Variants in NCAM2 observed in about 807,000 individuals in gnomAD.
NCAM2 encodes the protein neural cell adhesion molecule 2.
Under a neutral mutation model 98.1 loss-of-function variants are expected in NCAM2, and 30 were observed. That is an observed-to-expected ratio of 0.31 (90% CI 0.23 to 0.41). The LOEUF (loss-of-function observed/expected upper bound fraction) is 0.41, where lower values mean the gene tolerates loss of function less well. NCAM2 is among the 10% of genes least tolerant of loss of function. The pLI, the probability that NCAM2 is intolerant of heterozygous loss-of-function variation, is 1.00. For synonymous variants in NCAM2, 368 were observed against 342.4 expected (o/e 1.07, Z -0.83); for missense variants, 867 against 1,005.8 (o/e 0.86, Z 1.87).
At chr21:21,383,200 G>A (rs549940603) in intron 9 of NCAM2, among the ~76,000 whole-genome samples, 1 of 152,210 alleles carries the variant, frequency 6.6e-6, no homozygotes, top group Non-Finnish European at 1.5e-5. Flanking sequence ...TTTTCAAGGA[G>A]TTAATCACCT....
chr21:21,451,202 G>A (rs751450027), intron 12 of NCAM2, among the ~76,000 whole-genome samples: 3 of 152,006 alleles, frequency 2.0e-5, no homozygotes, highest in Non-Finnish European at 4.4e-5. Flanking sequence ...ATCATTTGAG[G>A]TGAATAAATG....
intron 5 of NCAM2, among the ~76,000 whole-genome samples, chr21:21,314,563 A>G (rs1394891679): frequency 2.0e-5 from 3 of 152,082 alleles, no homozygotes; most frequent in East Asian, 1.9e-4. Context: ...ATATACCTAC[A>G]TTATTTTGTC....
intron 1 of NCAM2, among the ~76,000 whole-genome samples, chr21:21,061,351 A>G (rs1356872824): frequency 6.6e-5 from 10 of 152,196 alleles, no homozygotes; most frequent in Non-Finnish European, 1.3e-4. Flanking sequence ...TGCTGAACAC[A>G]TATTTTCTGT....
intron 1 of NCAM2, among the ~76,000 whole-genome samples, chr21:21,073,319 T>G (rs1341283305): frequency 6.6e-6 from 1 of 152,182 alleles, no homozygotes; most frequent in Non-Finnish European, 1.5e-5. Flanking sequence ...GTTAAGATTT[T>G]CTGGTAATTA....
intron 1 of NCAM2, chr21:21,239,304 A>G (rs1483204494): frequency 6.6e-6 from 1 of 152,174 alleles, no homozygotes; most frequent in Non-Finnish European, 1.5e-5. Context: ...TCTTCAGGCA[A>G]TGCTCATCCA....
chr21:21,386,759 T>C (rs1292187835), intron 9 of NCAM2, among the ~76,000 whole-genome samples: 1 of 142,918 alleles, frequency 7.0e-6, no homozygotes, highest in Non-Finnish European at 1.5e-5. Flanking sequence ...TCAGAGATAA[T>C]GGTAAGAAAA....
intron 1 of NCAM2, among the ~76,000 whole-genome samples, chr21:21,099,830 C>T (rs1434552113): frequency 6.6e-6 from 1 of 151,916 alleles, no homozygotes; most frequent in East Asian, 1.9e-4. Flanking sequence ...ACCTAACCCA[C>T]CCTGCCTGTT....
chr21:21,454,776 C>T (rs934837655), intron 12 of NCAM2, among the ~76,000 whole-genome samples: 21 of 151,964 alleles, frequency 1.4e-4, no homozygotes, highest in Admixed American at 1.1e-3. Flanking sequence ...TAAATGCTGG[C>T]GGGCTTTTAA....
chr21:21,017,445 A>AAAAG lies in NCAM2; in HGVS notation c.55+18831_55+18834dup, dbSNP rs1416409049. 6.1e-4 allele frequency among the ~76,000 whole-genome samples: 92 copies of AAAAG among 150,568 alleles called. 1 individual carries two copies. Among genetic ancestry groups the AAAAG allele is most frequent in the Non-Finnish European group, 1.2e-3 (82 of 67,608 alleles). Reference sequence around the variant, plus strand: ...GTCTCAAAAAAAAAAAAAAAAAAAAAAAAGAAATAGAAACGGGAACCAGAG... The same window carrying AAAAG: ...GTCTCAAAAAAAAAAAAAAAAAAAAAAAAGAAAGAAATAGAAACGGGAACCAGAG... On this transcript the variant is annotated intron_variant, in intron 1 of 17. Transcript: ENST00000400546.
intron 1 of NCAM2, among the ~76,000 whole-genome samples, chr21:21,075,030 CT>C (rs1288858111): frequency 6.6e-6 from 1 of 152,154 alleles, no homozygotes; most frequent in Non-Finnish European, 1.5e-5. Flanking sequence ...AGTTCATGTC[CT>C]TTGCAGGGAC....
intron 16 of NCAM2, among the ~76,000 whole-genome samples, chr21:21,517,755 G>A (rs1380886470): frequency 1.3e-5 from 2 of 152,114 alleles, no homozygotes; most frequent in Non-Finnish European, 2.9e-5. Context: ...CTACTCGGGA[G>A]GCTGAGACAG....
At chr21:21,228,511 C>T (rs926529153) in intron 1 of NCAM2, among the ~76,000 whole-genome samples, 8 of 150,948 alleles carry the variant, frequency 5.3e-5, no homozygotes, top group African/African-American at 9.7e-5. Flanking sequence ...ATATTATATA[C>T]TGGTGAAGAG....
chr21:21,220,504 A>C (rs569206284), intron 1 of NCAM2, among the ~76,000 whole-genome samples: 1 of 152,106 alleles, frequency 6.6e-6, no homozygotes, highest in Admixed American at 6.6e-5. Flanking sequence ...AGCAAATTCT[A>C]TCATGTCACA....
chr21:21,401,016 G>T (rs1315226449), intron 9 of NCAM2, among the ~76,000 whole-genome samples: 4 of 151,822 alleles, frequency 2.6e-5, no homozygotes, highest in Admixed American at 1.3e-4. Context: ...TTAAAGAAAA[G>T]AAAAAAAGGC....
At chr21:21,447,350 C>CA (rs1484586637) in intron 12 of NCAM2, among the ~76,000 whole-genome samples, 1 of 151,956 alleles carries the variant, frequency 6.6e-6, no homozygotes. Flanking sequence ...TAGCAATATG[C>CA]AAAAAACTGA....
chr21:21,360,798 A>G (rs781540518), intron 8 of NCAM2, among the ~76,000 whole-genome samples: 1 of 151,980 alleles, frequency 6.6e-6, no homozygotes, highest in Non-Finnish European at 1.5e-5. Context: ...AAAATCCCAC[A>G]GTAATTTTAA....
chr21:21,030,774 TTGA>T (rs1346054082), intron 1 of NCAM2, among the ~76,000 whole-genome samples: 1 of 152,244 alleles, frequency 6.6e-6, no homozygotes, highest in Non-Finnish European at 1.5e-5. Flanking sequence ...TCAGTATTAA[TTGA>T]TTAGTCAGAT....
intron 1 of NCAM2, among the ~76,000 whole-genome samples, chr21:21,250,933 C>A (rs1405011791): frequency 6.6e-6 from 1 of 152,200 alleles, no homozygotes; most frequent in Admixed American, 6.5e-5. Context: ...GCTAATATTA[C>A]ATGATCATAA....
intron 16 of NCAM2, among the ~76,000 whole-genome samples, chr21:21,523,486 G>C (rs1989147095): frequency 6.6e-6 from 1 of 151,320 alleles, no homozygotes; most frequent in Non-Finnish European, 1.5e-5. Flanking sequence ...GAAAGGAAAT[G>C]CATCAGAGAA....
Sources: allele counts gnomAD v4.1 joint callset (sites outside exome capture counted in the v4.1 genomes callset), GRCh38; gene constraint gnomAD v4.1.1; transcripts MANE v1.5; gene names NCBI Gene and HGNC (gene_info 2026-07-23, HGNC 2026-07-21).